The following SCN11A variants were observed in gnomAD, a reference collection of about 807,000 sequenced individuals.
SCN11A encodes sodium voltage-gated channel alpha subunit 11, also known as sodium channel protein type 11 subunit alpha.
A neutral mutation model predicts 162.2 loss-of-function variants in SCN11A; 122 were observed. The ratio of observed to expected loss-of-function variants is 0.75; its 90% confidence interval spans 0.65 to 0.87. The LOEUF is 0.87. SCN11A is among the 40% of genes least tolerant of loss of function. The pLI, the probability that SCN11A is intolerant of heterozygous loss-of-function variation, is 0.00. For missense variants in SCN11A, 2,015 were observed against 2,181.6 expected (o/e 0.92, Z 1.52); for synonymous variants, 758 against 751.5 (o/e 1.01, Z -0.14).
chr3:39,050,450 G>A (rs941653400), intron 1 of SCN11A, among the ~76,000 whole-genome samples: 34 of 152,136 alleles, frequency 2.2e-4, no homozygotes, highest in African/African-American at 7.5e-4. Context: ...ATAATATTTT[G>A]TTAAATGAAT....
At chr3:38,978,612 C>T (rs2066863346) in intron 2 of SCN11A, among the ~76,000 whole-genome samples, 1 of 151,754 alleles carries the variant, frequency 6.6e-6, no homozygotes, top group African/African-American at 2.4e-5. Context: ...CGCCACTGCA[C>T]TCCAGTCAGG....
chr3:38,952,114 G>C (rs1451830392), intron 4 of SCN11A, among the ~76,000 whole-genome samples: 1 of 152,120 alleles, frequency 6.6e-6, no homozygotes, highest in Non-Finnish European at 1.5e-5. Flanking sequence ...AGCCCACCAG[G>C]AGGAATGAAC....
chr3:38,927,787 C>T (rs936099131), intron 7 of SCN11A, among the ~76,000 whole-genome samples: 3 of 152,158 alleles, frequency 2.0e-5, no homozygotes, highest in Admixed American at 6.5e-5. Context: ...CTCACTATTA[C>T]GAGAATAGCA....
chr3:39,007,639 T>C (rs1276370581), intron 2 of SCN11A, among the ~76,000 whole-genome samples: 1 of 152,234 alleles, frequency 6.6e-6, no homozygotes, highest in Admixed American at 6.5e-5. Context: ...GGTTGGGGAA[T>C]ACATCATTGT....
rs971779001 is a variant in SCN11A, at chr3:39,034,766, G to A, written c.-403-2263C>T. On this transcript the variant is annotated intron_variant, in intron 1 of 29. Coordinates refer to ENST00000302328, the MANE Select transcript of SCN11A (RefSeq NM_001349253.2). ...GATAAACAAATTCAGTAGAGTTGCA[G>A]GATATAAAAATCAACATAAAAAATC... 6.0e-4 allele frequency among the ~76,000 whole-genome samples: 91 copies of A among 152,106 alleles called. 2 individuals carry two copies. Among genetic ancestry groups the A allele is most frequent in the African/African-American group, 2.2e-3 (91 of 41,416 alleles).
intron 17 of SCN11A, among the ~76,000 whole-genome samples, chr3:38,897,577 A>G (rs1012453341): frequency 3.3e-5 from 5 of 152,084 alleles, no homozygotes; most frequent in South Asian, 4.1e-4. Flanking sequence ...TTAGCTGGGC[A>G]TGGTGGCGCA....
intron 19 of SCN11A, among the ~76,000 whole-genome samples, chr3:38,889,231 G>C (rs912085526): frequency 1.7e-4 from 26 of 151,880 alleles, no homozygotes; most frequent in African/African-American, 6.1e-4. Flanking sequence ...TTCAAGACCA[G>C]GCTGGCCAAT....
At chr3:38,905,474 A>C (rs540863641) in intron 14 of SCN11A, among the ~76,000 whole-genome samples, 153 bp from the exon 15 acceptor site, 1 of 152,338 alleles carries the variant, frequency 6.6e-6, no homozygotes, top group Non-Finnish European at 1.5e-5. Context: ...CCAAATATTC[A>C]GTTTTCTTAT....
At chr3:38,954,365 C>T (rs1488050630) in intron 3 of SCN11A, among the ~76,000 whole-genome samples, 1 of 152,148 alleles carries the variant, frequency 6.6e-6, no homozygotes, top group Non-Finnish European at 1.5e-5. Context: ...CTAGTCAATC[C>T]TGTAAAATGG....
At chr3:38,897,285 TG>T (rs2065619881) in intron 17 of SCN11A, 60 bp from the exon 18 acceptor site, 3 of 1,510,942 alleles carry the variant, frequency 2.0e-6, no homozygotes, top group Non-Finnish European at 2.7e-6. Flanking sequence ...AAACTCCATC[TG>T]CTCATCTATA....
chr3:38,853,466 T>G (rs914556010), intron 28 of SCN11A, among the ~76,000 whole-genome samples: 1 of 152,234 alleles, frequency 6.6e-6, no homozygotes, highest in African/African-American at 2.4e-5. Flanking sequence ...TCATTAACCC[T>G]GTGGTCAAAA....
intron 25 of SCN11A, among the ~76,000 whole-genome samples, chr3:38,871,160 T>C (rs1430623222): frequency 6.6e-6 from 1 of 152,124 alleles, no homozygotes; most frequent in Non-Finnish European, 1.5e-5. Context: ...GAGGCTCCAC[T>C]CCTCTCTGCC....
chr3:38,907,344 A>G (rs866685047), intron 14 of SCN11A, among the ~76,000 whole-genome samples: 1,776 of 15,382 alleles, frequency 0.12, 33 homozygotes, highest in East Asian at 0.17. Context: ...GTGTGTGTGT[A>G]TATATCTATA....
At chr3:38,938,146 C>G (rs889078331) in intron 7 of SCN11A, among the ~76,000 whole-genome samples, 1 of 151,848 alleles carries the variant, frequency 6.6e-6, no homozygotes, top group Non-Finnish European at 1.5e-5. Flanking sequence ...AACCAAACAC[C>G]GCATATTCTC....
chr3:39,042,326 G>A (rs1011472990), intron 1 of SCN11A, among the ~76,000 whole-genome samples: 1 of 152,070 alleles, frequency 6.6e-6, no homozygotes, highest in Admixed American at 6.5e-5. Context: ...CACTTCACTT[G>A]TAAAGACACA....
chr3:38,890,726 C>T (rs779372975), intron 19 of SCN11A, among the ~76,000 whole-genome samples: 4 of 152,206 alleles, frequency 2.6e-5, no homozygotes, highest in Non-Finnish European at 4.4e-5. Flanking sequence ...AGAGAGATCA[C>T]AAAAGGAGAC....
chr3:39,020,067 C>A (rs887524305), intron 2 of SCN11A, among the ~76,000 whole-genome samples: 1 of 152,090 alleles, frequency 6.6e-6, no homozygotes, highest in African/African-American at 2.4e-5. Context: ...TGATTTTGCG[C>A]AAAGTATTTA....
At chr3:39,001,261 T>C (rs2030803536) in intron 2 of SCN11A, among the ~76,000 whole-genome samples, 1 of 152,198 alleles carries the variant, frequency 6.6e-6, no homozygotes. Context: ...AAAAACTCCA[T>C]ATCCGTTACA....
At position 38,894,738 on chromosome 3, in the gene SCN11A, C is replaced by A. The variant is rs1187591515; in HGVS notation, c.2630G>T (p.Ser877Ile). 1.9e-6 allele frequency: 3 copies of A among 1,614,186 alleles called. No homozygotes were observed. The African/African-American group carries it at 4.0e-5, about 22-fold the overall frequency. ...KEVAGGCAAQ[S>I]KDIIPLVMEM... ...CATGACCAGGGGAATGATGTCTTTGCTTTGTGCAGCACAGCCTCCTGCCAC... is the reference window on the plus strand; with the variant it reads ...CATGACCAGGGGAATGATGTCTTTGATTTGTGCAGCACAGCCTCCTGCCAC... The change falls in exon 19 of 30, where the codon AGC becomes ATC. Residue 877 changes from serine to isoleucine, a missense_variant. Coordinates refer to ENST00000302328, the MANE Select transcript of SCN11A (RefSeq NM_001349253.2).
Sources: gnomAD v4.1 joint callset for allele counts (sites outside exome capture counted in the v4.1 genomes callset) on GRCh38, gnomAD v4.1.1 for gene constraint, MANE v1.5 for transcripts, NCBI Gene and HGNC (gene_info 2026-07-23, HGNC 2026-07-21) for gene names.